The following STPG2 variants were observed in gnomAD, a reference collection of about 807,000 sequenced individuals.
STPG2 encodes the protein sperm tail PG-rich repeat containing 2, also known as sperm-tail PG-rich repeat-containing protein 2.
In STPG2, 56 loss-of-function variants were observed where a neutral mutation model predicts 54.2. The observed-to-expected ratio is 1.03, with a 90% CI of 0.83 to 1.29. STPG2 has a LOEUF of 1.29. STPG2 is among the 50% of genes most tolerant of loss of function. STPG2 has a pLI of 0.00. For missense variants in STPG2, 596 were observed against 544.9 expected, an observed-to-expected ratio of 1.09 and a Z score of -0.93; for synonymous variants, 200 against 181.8, an observed-to-expected ratio of 1.10 and a Z score of -0.81.
intron 4 of STPG2, among the ~76,000 whole-genome samples, chr4:97,545,359 T>A (rs905909544): frequency 3.3e-5 from 5 of 152,120 alleles, no homozygotes; most frequent in African/African-American, 1.2e-4. Flanking sequence ...TTGCAAACTA[T>A]AAACAAGCTT....
chr4:97,841,130 TTAAAG>T, intron 8 of STPG2, among the ~76,000 whole-genome samples, 198 bp from the exon 9 acceptor site: 1 of 151,772 alleles, frequency 6.6e-6, no homozygotes, highest in East Asian at 1.9e-4. Context: ...CTTGCCAAAA[TTAAAG>T]TAAAATAAAC....
At chr4:97,538,825 C>T (rs1477749678) in intron 4 of STPG2, among the ~76,000 whole-genome samples, 4 of 152,180 alleles carry the variant, frequency 2.6e-5, no homozygotes, top group African/African-American at 4.8e-5. Flanking sequence ...GGAAGCACAT[C>T]AGACTAACAG....
chr4:98,026,189 C>T, intron 5 of STPG2: 1 of 1,254,154 alleles, frequency 8.0e-7, no homozygotes, highest in Non-Finnish European at 1.2e-6. Context: ...CAAAATGTCC[C>T]TTGCTCAGAA....
chr4:97,746,775 C>A (rs1477759330), intron 9 of STPG2, among the ~76,000 whole-genome samples: 7 of 151,204 alleles, frequency 4.6e-5, no homozygotes. Context: ...AGATTCAGCT[C>A]TCTGTGCACC....
chr4:98,090,698 T>C (rs1190621494), intron 5 of STPG2, among the ~76,000 whole-genome samples: 1 of 152,098 alleles, frequency 6.6e-6, no homozygotes. Context: ...GCATGGGATA[T>C]GTTTCCTTTT....
intron 5 of STPG2, among the ~76,000 whole-genome samples, chr4:98,088,268 T>C (rs1010468726): frequency 6.6e-6 from 1 of 152,162 alleles, no homozygotes; most frequent in Admixed American, 6.5e-5. Flanking sequence ...TAAGAAGTAT[T>C]CTCTGACTAA....
Position 97,712,829 on chromosome 4 carries a change from A to T in STPG2, c.1205-15T>A. On this transcript the variant is annotated splice_polypyrimidine_tract_variant and intron_variant, in intron 9 of 10. Coordinates refer to ENST00000295268, the MANE Select transcript of STPG2 (RefSeq NM_174952.3). ...TGCTGCAGGACCTGAGAGACAACAA[A>T]TGTAAAAATTATGATAAAGTATATT... 6.6e-7 allele frequency: 1 copy of T among 1,521,520 alleles called. No homozygotes were observed. Among genetic ancestry groups the T allele is most frequent in the South Asian group, 1.2e-5 (1 of 81,126 alleles). The allele number at this position is 1,521,520 out of a possible 1,614,324, so 94.3% of individuals were successfully genotyped here.
intron 5 of STPG2, among the ~76,000 whole-genome samples, chr4:98,022,090 T>C (rs1444135859): frequency 6.6e-6 from 1 of 152,114 alleles, no homozygotes; most frequent in Non-Finnish European, 1.5e-5. Context: ...TGCTTGTTAG[T>C]TGATGCAGTT....
intron 8 of STPG2, among the ~76,000 whole-genome samples, chr4:97,901,355 AT>A (rs1731169378): frequency 6.6e-6 from 1 of 152,010 alleles, no homozygotes; most frequent in African/African-American, 2.4e-5. Context: ...AAGAAAAAAA[AT>A]AATAAAAGGC....
At chr4:97,516,044 T>C (rs1173361092) in intron 4 of STPG2, among the ~76,000 whole-genome samples, 1 of 152,044 alleles carries the variant, frequency 6.6e-6, no homozygotes, top group East Asian at 1.9e-4. Flanking sequence ...AAGCAACCCA[T>C]AATTTTTTTG....
chr4:97,832,055 A>G (rs552969274), intron 9 of STPG2, among the ~76,000 whole-genome samples: 6 of 152,214 alleles, frequency 3.9e-5, no homozygotes, highest in Non-Finnish European at 8.8e-5. Flanking sequence ...AACATGGCAG[A>G]GACACAACAA....
At chr4:97,677,804 C>A (rs1253384731) in intron 10 of STPG2, among the ~76,000 whole-genome samples, 1 of 152,106 alleles carries the variant, frequency 6.6e-6, no homozygotes, top group Non-Finnish European at 1.5e-5. Flanking sequence ...ATGGAGCCTC[C>A]ATATGAGCCT....
chr4:97,736,103 G>C (rs1485416828), intron 9 of STPG2, among the ~76,000 whole-genome samples: 3 of 152,062 alleles, frequency 2.0e-5, no homozygotes, highest in African/African-American at 7.2e-5. Context: ...AATGTAGATT[G>C]GTACAGCCCT....
chr4:97,843,929 A>G (rs1200518684), intron 8 of STPG2, among the ~76,000 whole-genome samples: 1 of 151,854 alleles, frequency 6.6e-6, no homozygotes, highest in Non-Finnish European at 1.5e-5. Context: ...CTGATTTCAT[A>G]CAAAATTCAG....
intron 10 of STPG2, among the ~76,000 whole-genome samples, chr4:97,656,992 G>A (rs762600150): frequency 1.3e-5 from 2 of 151,850 alleles, no homozygotes; most frequent in Non-Finnish European, 2.9e-5. Flanking sequence ...TATTTTTAAT[G>A]CAATTGCAGT....
rs537925602 is a variant in STPG2 at position 97,743,557 on chromosome 4, T to C, written c.1205-30743A>G. 2.6e-4 allele frequency among the ~76,000 whole-genome samples: 39 copies of C among 151,798 alleles called. 1 individual carries two copies. The highest frequency in any genetic ancestry group is 6.6e-4 in the Admixed American group (10 of 15,196). On this transcript the variant is annotated intron_variant, in intron 9 of 10. Coordinates refer to ENST00000295268, the MANE Select transcript of STPG2 (RefSeq NM_174952.3). The stretch of plus-strand genomic sequence containing the variant: ...CATTTTACATTCTGGAGGACTAATC[T>C]GAGGAAACAAGTTAAAGAAGATGCC...
At chr4:97,776,980 A>G (rs1004443521) in intron 9 of STPG2, among the ~76,000 whole-genome samples, 2 of 152,162 alleles carry the variant, frequency 1.3e-5, no homozygotes, top group Admixed American at 1.3e-4. Context: ...AATAATGTCA[A>G]TCTATGCTGC....
intron 7 of STPG2, among the ~76,000 whole-genome samples, chr4:97,962,304 A>G (rs1037964786): frequency 6.6e-6 from 1 of 152,180 alleles, no homozygotes; most frequent in African/African-American, 2.4e-5. Flanking sequence ...AATCACCACT[A>G]AAGAATTTAT....
intron 4 of STPG2, among the ~76,000 whole-genome samples, chr4:97,472,945 T>C (rs1438284346): frequency 3.9e-5 from 6 of 152,222 alleles, no homozygotes; most frequent in Non-Finnish European, 8.8e-5. Flanking sequence ...TATAATTGCT[T>C]ATGCCTGTCT....
Sources: gnomAD v4.1 joint callset for allele counts (sites outside exome capture counted in the v4.1 genomes callset) on GRCh38, gnomAD v4.1.1 for gene constraint, MANE v1.5 for transcripts, NCBI Gene and HGNC (gene_info 2026-07-23, HGNC 2026-07-21) for gene names.